ASAP2: variants seen among roughly 807,000 people sequenced by gnomAD.
The protein encoded by ASAP2 is arf-GAP with SH3 domain, ANK repeat and PH domain-containing protein 2.
Under a neutral mutation model 131.4 loss-of-function variants are expected in ASAP2, and 45 were observed. That is an observed-to-expected ratio of 0.34 (90% confidence interval 0.27 to 0.44). The LOEUF is 0.44. Among genes scored for constraint, ASAP2 ranks in the 20% least tolerant of loss-of-function variants. The pLI is 1.00. For synonymous variants in ASAP2, 510 were observed against 503.0 expected, an observed-to-expected ratio of 1.01 and a Z score of -0.19; for missense variants, 1,011 against 1,297.0, an observed-to-expected ratio of 0.78 and a Z score of 3.39.
At chr2:9,323,096 G>A (rs773936428) in intron 5 of ASAP2, 25 bp from the exon 6 acceptor site, 1 of 1,613,758 alleles carries the variant, frequency 6.2e-7, no homozygotes, top group Non-Finnish European at 8.5e-7. Context: ...CAGGCATCTT[G>A]ATGTATCCTT....
intron 1 of ASAP2, among the ~76,000 whole-genome samples, chr2:9,274,319 C>CTTTTTTTT (rs57798948): frequency 9.4e-6 from 1 of 106,774 alleles, no homozygotes; most frequent in Non-Finnish European, 1.8e-5. Flanking sequence ...AGCATTCAAT[C>CTTTTTTTT]TTTTTTTTTT....
At position 9,385,249 on chromosome 2, in the gene ASAP2, C is replaced by G. The variant is rs757172494; in HGVS notation, c.2021C>G (p.Thr674Ser). 13 of 1,612,872 alleles carry G rather than the reference C, an allele frequency of 8.1e-6. No individual in the cohort carries two copies. The highest frequency in any genetic ancestry group is 1.1e-5 in the Non-Finnish European group (13 of 1,178,824). Residue 674 changes from threonine to serine, a missense_variant, in exon 21 of 28, where the codon ACC becomes AGC. This residue lies in a region of ASAP2 where 652 missense variants were observed against 698.9 expected (regional missense o/e 0.93). Coordinates refer to ENST00000281419, the MANE Select transcript of ASAP2 (RefSeq NM_003887.3). ...ACCATCCCTCTGTTCTCTCAGCTGA[C>G]CCAAGCCTTATCTGGAAGATTTAAT... The part of the protein sequence containing the change: ...LKHEHCEELL[T>S]QALSGRFNSH...
At chr2:9,308,952 A>T (rs1558317145) in intron 3 of ASAP2, among the ~76,000 whole-genome samples, 1 of 152,192 alleles carries the variant, frequency 6.6e-6, no homozygotes, top group South Asian at 2.1e-4. Flanking sequence ...GTTCTTTCAG[A>T]TAAGCGGCCT....
At chr2:9,249,166 T>G (rs1664538019) in intron 1 of ASAP2, among the ~76,000 whole-genome samples, 1 of 152,204 alleles carries the variant, frequency 6.6e-6, no homozygotes, top group Admixed American at 6.5e-5. Flanking sequence ...TCTTGGGGCC[T>G]CCTTAGCTCC....
At chr2:9,358,935 A>G in intron 15 of ASAP2, 46 bp downstream of exon 15, 1 of 1,566,998 alleles carries the variant, frequency 6.4e-7, no homozygotes. Flanking sequence ...AATGAGCTGT[A>G]AGCTAAATTT....
At chr2:9,325,832 G>A (rs1216736729) in intron 6 of ASAP2, among the ~76,000 whole-genome samples, 1 of 152,226 alleles carries the variant, frequency 6.6e-6, no homozygotes, top group Non-Finnish European at 1.5e-5. Flanking sequence ...TGCAGAGCTG[G>A]CACTTGGAGG....
intron 12 of ASAP2, 113 bp downstream of exon 12, chr2:9,351,008 T>TA (rs761445602): frequency 1.3e-6 from 1 of 785,836 alleles, no homozygotes; most frequent in Non-Finnish European, 1.9e-6. Context: ...TGAAGAGACA[T>TA]ACCCTTTTTC....
At chr2:9,373,938 A>C (rs1392673965) in intron 16 of ASAP2, among the ~76,000 whole-genome samples, 2 of 152,192 alleles carry the variant, frequency 1.3e-5, no homozygotes, top group Non-Finnish European at 2.9e-5. Context: ...CCCGGGACCC[A>C]CTGTGTGTGC....
chr2:9,364,379 T>C (rs1428318092), intron 15 of ASAP2, among the ~76,000 whole-genome samples: 1 of 151,618 alleles, frequency 6.6e-6, no homozygotes, highest in Non-Finnish European at 1.5e-5. Context: ...TGGTAGTACA[T>C]GCCTGTGGTC....
chr2:9,230,302 C>A (rs1283141286), intron 1 of ASAP2, among the ~76,000 whole-genome samples: 1 of 152,140 alleles, frequency 6.6e-6, no homozygotes, highest in Non-Finnish European at 1.5e-5. Context: ...GGCCAGGGAC[C>A]CAGAGGACCA....
intron 1 of ASAP2, among the ~76,000 whole-genome samples, chr2:9,240,709 A>G (rs1037999566): frequency 2.0e-5 from 3 of 152,200 alleles, no homozygotes; most frequent in Admixed American, 6.5e-5. Context: ...AGATCTTAGC[A>G]ACCTCAGCAT....
intron 1 of ASAP2, among the ~76,000 whole-genome samples, chr2:9,256,099 A>C (rs1283716635): frequency 6.6e-6 from 1 of 151,542 alleles, no homozygotes; most frequent in Non-Finnish European, 1.5e-5. Context: ...CTAGTCATTG[A>C]CATATTTGCA....
chr2:9,319,914 T>C (rs1251971091), intron 4 of ASAP2, among the ~76,000 whole-genome samples: 3 of 152,218 alleles, frequency 2.0e-5, no homozygotes, highest in Non-Finnish European at 4.4e-5. Context: ...TTAGAGTTCC[T>C]TTCTTTTAGA....
At chr2:9,328,000 A>G (rs1670586868) in intron 7 of ASAP2, 89 bp downstream of exon 7, 1 of 933,464 alleles carries the variant, frequency 1.1e-6, no homozygotes, top group Non-Finnish European at 1.6e-6. Flanking sequence ...GGAAATAAAC[A>G]CCACTTAGAA....
intron 3 of ASAP2, among the ~76,000 whole-genome samples, chr2:9,302,602 G>A (rs1465912729): frequency 2.0e-5 from 3 of 152,066 alleles, no homozygotes; most frequent in Non-Finnish European, 4.4e-5. Context: ...AGCCTCCCAA[G>A]TAGCTGGGAT....
At chr2:9,290,469 CA>C (rs755765732) in intron 2 of ASAP2, among the ~76,000 whole-genome samples, 16 of 152,314 alleles carry the variant, frequency 1.1e-4, no homozygotes, top group Middle Eastern at 3.4e-3. Flanking sequence ...CTCGGCCTCC[CA>C]AAGTGCTGGG....
intron 1 of ASAP2, among the ~76,000 whole-genome samples, chr2:9,273,297 T>C (rs1054107000): frequency 1.3e-5 from 2 of 152,232 alleles, no homozygotes; most frequent in African/African-American, 2.4e-5. Context: ...TAATTTTATT[T>C]GTAGCTATTG....
chr2:9,208,815 A>T (rs188270336), intron 1 of ASAP2, among the ~76,000 whole-genome samples: 39 of 152,214 alleles, frequency 2.6e-4, no homozygotes, highest in Non-Finnish European at 4.6e-4. Context: ...GAATGATTGC[A>T]ACCAAAAAGG....
chr2:9,342,977 T>G (rs115063906), intron 9 of ASAP2, among the ~76,000 whole-genome samples: 280 of 152,354 alleles, frequency 1.8e-3, no homozygotes, highest in African/African-American at 6.5e-3. Context: ...AGTTCCTGAG[T>G]GCTCTTGTTC....
Sources: gnomAD v4.1 joint callset for allele counts (sites outside exome capture counted in the v4.1 genomes callset) on GRCh38, gnomAD v4.1.1 for gene constraint, gnomAD v4.1.1 regional missense constraint, MANE v1.5 for transcripts, NCBI Gene and HGNC (gene_info 2026-07-23, HGNC 2026-07-21) for gene names.